Variants in CDH18 observed in about 807,000 individuals in gnomAD.
CDH18 encodes cadherin 18.
Under a neutral mutation model 67.9 loss-of-function variants are expected in CDH18, and 31 were observed. That is an observed-to-expected ratio of 0.46 (90% CI 0.34 to 0.62). The LOEUF (loss-of-function observed/expected upper bound fraction) is 0.62. Ranked by LOEUF, CDH18 falls within the 20% of genes least tolerant of loss-of-function variation. The pLI is 0.01. For missense variants in CDH18, 890 were observed against 975.5 expected (o/e 0.91, Z 1.17); for synonymous variants, 362 against 347.2 (o/e 1.04, Z -0.48).
intron 3 of CDH18, among the ~76,000 whole-genome samples, chr5:19,762,253 A>G (rs1162654319): frequency 6.6e-6 from 1 of 152,206 alleles, no homozygotes; most frequent in African/African-American, 2.4e-5. Context: ...GGATCTAATT[A>G]AACTAAAGAG....
intron 3 of CDH18, among the ~76,000 whole-genome samples, chr5:19,809,050 C>G (rs1778358360): frequency 6.6e-6 from 1 of 151,936 alleles, no homozygotes; most frequent in Non-Finnish European, 1.5e-5. Flanking sequence ...ACAAATCTTG[C>G]TTTTGTACAA....
intron 2 of CDH18, among the ~76,000 whole-genome samples, chr5:20,222,105 C>T (rs970268311): frequency 6.6e-5 from 10 of 152,122 alleles, no homozygotes; most frequent in African/African-American, 1.9e-4. Flanking sequence ...AACTGCACTC[C>T]TCATGATAGC....
At chr5:20,305,282 A>C (rs1736320558) in intron 1 of CDH18, 2 of 1,474,224 alleles carry the variant, frequency 1.4e-6, no homozygotes, top group East Asian at 4.5e-5. Flanking sequence ...AAACTTTTAA[A>C]GCCTCCTCTA....
intron 5 of CDH18, among the ~76,000 whole-genome samples, chr5:19,682,480 G>C (rs1357153167): frequency 1.3e-5 from 2 of 151,964 alleles, no homozygotes; most frequent in African/African-American, 2.4e-5. Flanking sequence ...CAGCTGAATG[G>C]TACCCCATCC....
intron 1 of CDH18, among the ~76,000 whole-genome samples, chr5:20,541,657 A>G (rs970595964): frequency 6.6e-6 from 1 of 152,208 alleles, no homozygotes; most frequent in South Asian, 2.1e-4. Context: ...TGTCTTTTCA[A>G]TATTCTGAAA....
chr5:19,503,940 CAAAGAG>C (rs1490558201), intron 10 of CDH18, among the ~76,000 whole-genome samples: 7 of 151,900 alleles, frequency 4.6e-5, no homozygotes, highest in Non-Finnish European at 1.0e-4. Context: ...AAACGAGAAA[CAAAGAG>C]AGAGAAGATA....
intron 3 of CDH18, among the ~76,000 whole-genome samples, chr5:19,793,168 A>G (rs946187868): frequency 6.6e-6 from 1 of 152,284 alleles, no homozygotes. Flanking sequence ...GTTTTCTTCT[A>G]AAGACAAAGT....
intron 4 of CDH18, among the ~76,000 whole-genome samples, chr5:19,725,159 C>G (rs928974122): frequency 2.6e-5 from 4 of 152,006 alleles, no homozygotes; most frequent in African/African-American, 7.2e-5. Flanking sequence ...ATCTCCTGAC[C>G]TCGTGATCCA....
chr5:20,419,460 C>CTCTTT (rs1469236559), intron 1 of CDH18, among the ~76,000 whole-genome samples: 1 of 100,394 alleles, frequency 1.0e-5, no homozygotes, highest in Non-Finnish European at 2.0e-5. Context: ...GTATGGGACT[C>CTCTTT]TGTTTTTTTT....
At chr5:20,227,168 A>G (rs1343703704) in intron 2 of CDH18, among the ~76,000 whole-genome samples, 2 of 151,978 alleles carry the variant, frequency 1.3e-5, no homozygotes, top group Non-Finnish European at 2.9e-5. Context: ...AACCTTTGAG[A>G]TCATCTACAT....
chr5:20,067,605 C>T (rs1204013786), intron 2 of CDH18, among the ~76,000 whole-genome samples: 1 of 152,024 alleles, frequency 6.6e-6, no homozygotes, highest in African/African-American at 2.4e-5. Flanking sequence ...TTTCCAATCT[C>T]AAACTAATTA....
At chr5:19,866,117 T>C (rs1184261636) in intron 2 of CDH18, among the ~76,000 whole-genome samples, 2 of 152,220 alleles carry the variant, frequency 1.3e-5, no homozygotes, top group Non-Finnish European at 1.5e-5. Flanking sequence ...AGGTCACCAA[T>C]ATTGCTTCTG....
intron 2 of CDH18, among the ~76,000 whole-genome samples, chr5:19,881,623 C>A (rs536088765): frequency 6.6e-6 from 1 of 151,700 alleles, no homozygotes; most frequent in Non-Finnish European, 1.5e-5. Flanking sequence ...ATTCTCCTGC[C>A]TCAGCCTTCC....
chr5:19,901,823 T>C (rs555392445), intron 2 of CDH18, among the ~76,000 whole-genome samples: 1 of 152,004 alleles, frequency 6.6e-6, no homozygotes, highest in Admixed American at 6.6e-5. Context: ...AATACTTTTT[T>C]CACTTATGAT....
intron 8 of CDH18, among the ~76,000 whole-genome samples, chr5:19,561,204 C>T (rs964686532): frequency 1.1e-4 from 16 of 152,000 alleles, no homozygotes; most frequent in African/African-American, 2.7e-4. Flanking sequence ...AAGATACCTG[C>T]GAAGGTATGT....
intron 5 of CDH18, among the ~76,000 whole-genome samples, chr5:19,708,387 G>A (rs943459974): frequency 6.6e-6 from 1 of 152,056 alleles, no homozygotes; most frequent in African/African-American, 2.4e-5. Context: ...GATGTGGATC[G>A]TGATTCCTGT....
At chr5:19,726,157 G>A (rs1488742709) in intron 4 of CDH18, among the ~76,000 whole-genome samples, 3 of 152,246 alleles carry the variant, frequency 2.0e-5, no homozygotes, top group Middle Eastern at 3.4e-3. Flanking sequence ...TGAGATACAC[G>A]AAGGCAGTGA....
chr5:20,443,108 G>A (rs868521066), intron 1 of CDH18, among the ~76,000 whole-genome samples: 18 of 146,422 alleles, frequency 1.2e-4, no homozygotes, highest in African/African-American at 4.6e-4. Flanking sequence ...TACTTGGGAG[G>A]CTGAGGAAGG....
chr5:19,909,143 C>T (rs1790846190), intron 2 of CDH18, among the ~76,000 whole-genome samples: 1 of 152,088 alleles, frequency 6.6e-6, no homozygotes, highest in Non-Finnish European at 1.5e-5. Context: ...GGAGGAAATG[C>T]AAACTGCTAT....
Sources: allele counts gnomAD v4.1 joint callset (sites outside exome capture counted in the v4.1 genomes callset), GRCh38; gene constraint gnomAD v4.1.1; transcripts MANE v1.5; gene names NCBI Gene and HGNC (gene_info 2026-07-23, HGNC 2026-07-21).